DGKD: variants seen among roughly 807,000 people sequenced by gnomAD.
DGKD encodes DAG kinase delta.
In DGKD, 68 loss-of-function variants were observed where a neutral mutation model predicts 154.4. That is an observed-to-expected ratio of 0.44 (90% CI 0.36 to 0.54). The LOEUF (loss-of-function observed/expected upper bound fraction) is 0.54, where lower values mean the gene tolerates loss of function less well. Among genes scored for constraint, DGKD ranks in the 20% least tolerant of loss-of-function variants. The pLI is 0.00. For missense variants in DGKD, 1,343 were observed against 1,593.6 expected (o/e 0.84, Z 2.68); for synonymous variants, 693 against 638.0 (o/e 1.09, Z -1.30).
At chr2:233,373,055 C>G (rs1001021572) in intron 1 of DGKD, among the ~76,000 whole-genome samples, 7 of 152,212 alleles carry the variant, frequency 4.6e-5, no homozygotes, top group African/African-American at 1.7e-4. Context: ...GGGTCCCGTG[C>G]TGTGCTCTGT....
chr2:233,462,374 G>A lies in DGKD; in HGVS notation c.3008G>A (p.Arg1003Gln), dbSNP rs148140902. Residue 1003 changes from arginine (R) to glutamine (Q), a missense_variant, in exon 25 of 30, where the codon CGG (arginine) becomes CAG (glutamine). Arg to Gln is a conservative substitution (Grantham distance 43). Coordinates refer to ENST00000264057, the MANE Select transcript of DGKD (RefSeq NM_152879.3). ...ATCCGAGAAATAGCTCAGTCTCACC[G>A]GGACATGGAGCAGGAACTGGCCCAC... The part of the protein sequence containing the change: ...HSIREIAQSH[R>Q]DMEQELAHAV... 41 of 1,602,964 alleles carry A rather than the reference G, an allele frequency of 2.6e-5. No homozygotes were observed. The African/African-American group carries it at 3.5e-4, about 14-fold the overall frequency.
rs73995979 is a variant in DGKD, at chr2:233,459,307, T to A, written c.2695-450T>A. 0.022 allele frequency among the ~76,000 whole-genome samples: 3,365 copies of A among 152,226 alleles called. 116 individuals carry two copies. Among genetic ancestry groups the A allele is most frequent in the African/African-American group, 0.077 (3,194 of 41,540 alleles). Reference sequence around the variant, plus strand: ...TGTCTACCCTTAGCTGTAGGCTGCTTGAAGTTCACAATTTTCACTCTTTGG... The same window carrying A: ...TGTCTACCCTTAGCTGTAGGCTGCTAGAAGTTCACAATTTTCACTCTTTGG... On this transcript the variant is annotated intron_variant, in intron 22 of 29. Transcript: ENST00000264057. This position sits in a 1 kb window ranked among gnomAD's most constrained non-coding sequence, Gnocchi z 5.7.
intron 12 of DGKD, 24 bp downstream of exon 12, chr2:233,446,820 C>A: frequency 6.2e-7 from 1 of 1,613,142 alleles, no homozygotes; most frequent in South Asian, 1.1e-5. Context: ...GTTCTTCACA[C>A]CCTGCTCGCA....
intron 3 of DGKD, among the ~76,000 whole-genome samples, chr2:233,419,617 CAT>C (rs2062051897): frequency 6.6e-6 from 1 of 152,176 alleles, no homozygotes. Context: ...TGACTTTACT[CAT>C]GTGCTAGAAA....
intron 1 of DGKD, among the ~76,000 whole-genome samples, chr2:233,373,378 T>C (rs1702418111): frequency 6.6e-6 from 1 of 152,226 alleles, no homozygotes; most frequent in Non-Finnish European, 1.5e-5. Flanking sequence ...TTACATCTGC[T>C]TGCCTGCATT....
intron 1 of DGKD, among the ~76,000 whole-genome samples, chr2:233,357,525 CT>C (rs1486718061): frequency 1.4e-5 from 2 of 145,876 alleles, no homozygotes; most frequent in Non-Finnish European, 3.0e-5. Flanking sequence ...ATTTCTTTTT[CT>C]TTCTTTCTTT....
Position 233,448,149 on chromosome 2 carries a change from G to C in DGKD, c.1482G>C (p.Ser494=), listed in dbSNP as rs752988367. 2 of 1,613,972 alleles carry C rather than the reference G, an allele frequency of 1.2e-6. No individual in the cohort carries two copies. Among genetic ancestry groups the C allele is most frequent in the Non-Finnish European group, 1.7e-6 (2 of 1,180,022 alleles). ...VAAHLSKILT[S]DQHSVVISSA... ...CCCACCTTTCTAAAATCCTCACCTC[G>C]GACCAGCACTCGGTGGTCATCTCCT... The change falls in exon 13 of 30, where the codon TCG becomes TCC. Residue 494 remains serine (S), a synonymous_variant. Transcript: ENST00000264057.
chr2:233,454,501 C>T (rs748220145), intron 18 of DGKD: 4 of 500,192 alleles, frequency 8.0e-6, no homozygotes, highest in Middle Eastern at 3.1e-4. Context: ...GGCAGGAGTA[C>T]AGGCTTTCTC....
chr2:233,462,302 C>T (rs1355254738), intron 24 of DGKD, 46 bp from the exon 25 acceptor site: 1 of 1,489,546 alleles, frequency 6.7e-7, no homozygotes, highest in East Asian at 2.3e-5. Flanking sequence ...GAAAGGCTGC[C>T]CTTCCATTTG....
At chr2:233,412,160 G>A (rs1334844208) in intron 3 of DGKD, among the ~76,000 whole-genome samples, 2 of 152,122 alleles carry the variant, frequency 1.3e-5, no homozygotes, top group African/African-American at 2.4e-5. Flanking sequence ...CTAGAATTTT[G>A]TTTGAGATTG....
intron 7 of DGKD, among the ~76,000 whole-genome samples, chr2:233,437,170 C>T (rs1213652545): frequency 2.0e-5 from 3 of 152,318 alleles, no homozygotes; most frequent in Non-Finnish European, 2.9e-5. Flanking sequence ...CGGGTATTTC[C>T]GTGTTATGCC....
chr2:233,393,727 A>T (rs1391792169), intron 3 of DGKD, among the ~76,000 whole-genome samples: 1 of 135,706 alleles, frequency 7.4e-6, no homozygotes, highest in Non-Finnish European at 1.5e-5. Context: ...TCCGTTGCCC[A>T]GGGGGGAGTG....
At chr2:233,359,813 T>G (rs1432509515) in intron 1 of DGKD, among the ~76,000 whole-genome samples, 1 of 152,164 alleles carries the variant, frequency 6.6e-6, no homozygotes, top group Non-Finnish European at 1.5e-5. Flanking sequence ...GAGATGATAG[T>G]CTAGAAGACA....
intron 1 of DGKD, among the ~76,000 whole-genome samples, chr2:233,380,115 C>G (rs374285762): frequency 6.6e-6 from 1 of 152,130 alleles, no homozygotes; most frequent in Non-Finnish European, 1.5e-5. Context: ...TTAACAAATA[C>G]AATCAATGAT....
chr2:233,449,731 G>C lies in DGKD; in HGVS notation c.1889-251G>C, dbSNP rs951783465. On this transcript the variant is annotated intron_variant, in intron 15 of 29. Coordinates refer to ENST00000264057, the MANE Select transcript of DGKD (RefSeq NM_152879.3). This position sits in a 1 kb window ranked among gnomAD's most constrained non-coding sequence, Gnocchi z 5.3. Reference sequence around the variant, plus strand: ...CTTGCAGCCCTCCAGCCTGCGCCAGGCTCCTCTGCATCCCTTGCCTTCCCC... The same window carrying C: ...CTTGCAGCCCTCCAGCCTGCGCCAGCCTCCTCTGCATCCCTTGCCTTCCCC... 4.6e-5 allele frequency among the ~76,000 whole-genome samples: 7 copies of C among 152,076 alleles called. No homozygotes were observed. Among genetic ancestry groups the C allele is most frequent in the African/African-American group, 1.7e-4 (7 of 41,408 alleles).
rs762709895 is a variant in DGKD, at chr2:233,388,352, T to C, written c.252T>C (p.Tyr84=). 1.9e-6 allele frequency: 3 copies of C among 1,613,260 alleles called. No homozygotes were observed. Among genetic ancestry groups the C allele is most frequent in the Non-Finnish European group, 2.5e-6 (3 of 1,179,698 alleles). Residue 84 remains tyrosine (Y), a synonymous_variant, in exon 2 of 30, where the codon TAT becomes TAC. Coordinates refer to ENST00000264057, the MANE Select transcript of DGKD (RefSeq NM_152879.3). ...AGCTTCGAGGGCGAACGCTTTACTA[T>C]GCCAAAACGGCAAAGGTGAGGCCCC... ...YFKLRGRTLY[Y]AKTAKSIIFD...
At chr2:233,456,481 T>C (rs2063465623) in intron 19 of DGKD, among the ~76,000 whole-genome samples, 2 of 152,178 alleles carry the variant, frequency 1.3e-5, no homozygotes, top group African/African-American at 4.8e-5. Context: ...GTGTGGAGGG[T>C]GCCTACAGGT....
intron 17 of DGKD, 56 bp downstream of exon 17, chr2:233,451,106 G>A (rs567794045): frequency 3.4e-5 from 51 of 1,499,522 alleles, no homozygotes; most frequent in East Asian, 2.1e-4. Context: ...CACTGGTCCC[G>A]TCAAACTGAA....
chr2:233,371,788 G>A (rs937141220), intron 1 of DGKD, among the ~76,000 whole-genome samples: 1 of 152,196 alleles, frequency 6.6e-6, no homozygotes, highest in Non-Finnish European at 1.5e-5. Flanking sequence ...TGTTGAAGAG[G>A]AGCGCTCTCC....
Sources: gnomAD v4.1 joint callset for allele counts (sites outside exome capture counted in the v4.1 genomes callset) on GRCh38, gnomAD v4.1.1 for gene constraint, Gnocchi (gnomAD v3.1) non-coding constraint, MANE v1.5 for transcripts, NCBI Gene and HGNC (gene_info 2026-07-23, HGNC 2026-07-21) for gene names.